Variants in FAM163A observed in about 807,000 individuals in gnomAD.
The protein encoded by FAM163A is protein FAM163A.
A neutral mutation model predicts 12.0 loss-of-function variants in FAM163A; 7 were observed. The ratio of observed to expected loss-of-function variants is 0.58; its 90% CI spans 0.33 to 1.10. The LOEUF (loss-of-function observed/expected upper bound fraction) is 1.10, where lower values mean the gene tolerates loss of function less well. Among genes scored for constraint, FAM163A ranks in the 50% least tolerant of loss-of-function variants. FAM163A has a pLI of 0.03. For missense variants in FAM163A, 202 were observed against 218.6 expected (o/e 0.92, Z 0.48); for synonymous variants, 101 against 91.0 (o/e 1.11, Z -0.62).
Position 179,813,179 on chromosome 1 carries a change from T to G in FAM163A, c.82T>G (p.Cys28Gly). The G allele has an allele frequency of 6.4e-7, 1 of 1,551,784 alleles. No individual in the cohort carries two copies. The highest frequency in any genetic ancestry group is 8.7e-7 in the Non-Finnish European group (1 of 1,147,000). ...CTGCATCATTGCCGTCCTGTGCTAC[T>G]GCAGGCTCCAGGTCAGTCCCCGGGA... ...LLCIIAVLCYCRLQYYCCKKS... is the reference protein window; with the variant it reads ...LLCIIAVLCYGRLQYYCCKKS... Residue 28 changes from cysteine (C) to glycine (G), a missense_variant, in exon 4 of 5, where the codon TGC (cysteine) becomes GGC (glycine). Transcript: ENST00000341785.
intron 1 of FAM163A, among the ~76,000 whole-genome samples, chr1:179,761,633 TATAGTCC>T (rs1349305247): frequency 6.6e-6 from 1 of 152,122 alleles, no homozygotes; most frequent in African/African-American, 2.4e-5. Context: ...CTCAAAATAG[TATAGTCC>T]ATCAGTCAGA....
chr1:179,799,954 C>G (rs1692925417), intron 1 of FAM163A, among the ~76,000 whole-genome samples: 1 of 152,194 alleles, frequency 6.6e-6, no homozygotes, highest in Admixed American at 6.6e-5. Context: ...GCAGGTGGAG[C>G]TTGAGGTGCT....
chr1:179,747,036 C>T (rs936077781), intron 1 of FAM163A, among the ~76,000 whole-genome samples: 3 of 151,884 alleles, frequency 2.0e-5, no homozygotes, highest in Non-Finnish European at 4.4e-5. Flanking sequence ...AAAGTGTCAG[C>T]GACTGGATAG....
chr1:179,739,436 A>C (rs1571256721), upstream of FAM163A, among the ~76,000 whole-genome samples: 1 of 152,382 alleles, frequency 6.6e-6, no homozygotes, highest in Middle Eastern at 3.4e-3. Flanking sequence ...AAGGTTGTCC[A>C]ACTCATGGCC....
chr1:179,745,163 T>A (rs1477885327), intron 1 of FAM163A, among the ~76,000 whole-genome samples: 1 of 152,050 alleles, frequency 6.6e-6, no homozygotes, highest in Non-Finnish European at 1.5e-5. Flanking sequence ...AGAGGGGAAG[T>A]AATGTGTGGC....
intron 1 of FAM163A, among the ~76,000 whole-genome samples, chr1:179,768,522 G>A (rs530106085): frequency 1.2e-4 from 19 of 152,322 alleles, no homozygotes; most frequent in African/African-American, 4.3e-4. Flanking sequence ...AGTGATGGTG[G>A]CTGGGCTAGT....
At chr1:179,780,773 C>T (rs1323847359) in intron 1 of FAM163A, among the ~76,000 whole-genome samples, 1 of 152,174 alleles carries the variant, frequency 6.6e-6, no homozygotes, top group African/African-American at 2.4e-5. Context: ...CCTAAAATGC[C>T]TCATTCTTCC....
intron 1 of FAM163A, among the ~76,000 whole-genome samples, chr1:179,756,004 C>T (rs952861208): frequency 2.6e-5 from 4 of 152,230 alleles, no homozygotes; most frequent in African/African-American, 7.2e-5. Flanking sequence ...CAACACCAAC[C>T]TTCTCTTAGC....
chr1:179,768,578 G>A (rs1204290266), intron 1 of FAM163A, among the ~76,000 whole-genome samples: 2 of 152,060 alleles, frequency 1.3e-5, no homozygotes, highest in African/African-American at 4.8e-5. Context: ...TGGCTTTGGT[G>A]TGGTCAAGTG....
chr1:179,809,475 G>A (rs1353973754), intron 2 of FAM163A, among the ~76,000 whole-genome samples: 1 of 152,176 alleles, frequency 6.6e-6, no homozygotes, highest in African/African-American at 2.4e-5. Context: ...TTCCAATATG[G>A]GGTAGCTGCT....
At chr1:179,795,051 C>A (rs1206902596) in intron 1 of FAM163A, among the ~76,000 whole-genome samples, 1 of 152,142 alleles carries the variant, frequency 6.6e-6, no homozygotes, top group East Asian at 1.9e-4. Context: ...ACACGACAAA[C>A]TCTTGGCAAG....
chr1:179,772,042 G>A (rs954306828), intron 1 of FAM163A, among the ~76,000 whole-genome samples: 8 of 152,044 alleles, frequency 5.3e-5, no homozygotes, highest in African/African-American at 1.9e-4. Context: ...CAGCTCCCAG[G>A]TCACAGTCTC....
At chr1:179,734,170 T>C in the FAM163A span, among the ~76,000 whole-genome samples, 1 of 152,204 alleles carries the variant, frequency 6.6e-6, no homozygotes, top group Non-Finnish European at 1.5e-5. Flanking sequence ...AGCTCAAATG[T>C]TGCACTCAAC....
intron 1 of FAM163A, among the ~76,000 whole-genome samples, chr1:179,774,861 G>A (rs1688729037): frequency 6.6e-6 from 1 of 152,110 alleles, no homozygotes; most frequent in African/African-American, 2.4e-5. Context: ...GAGTTTCCCT[G>A]AGCCCCCAGG....
rs1686805939 is a variant in FAM163A, at chr1:179,761,461, T to C, written c.-136+18038T>C. Among the ~76,000 whole-genome samples the C allele has an allele frequency of 2.0e-5, 3 of 152,242 alleles. No homozygotes were observed. In the South Asian group the frequency reaches 6.2e-4, roughly 31 times the overall value. The stretch of plus-strand genomic sequence containing the variant: ...CAAGCGAGACTAATTCATTAAGTGC[T>C]TTCAGTCCCGAAGATGACAGGAGCC... On this transcript the variant is annotated intron_variant, in intron 1 of 4. Coordinates refer to ENST00000341785, the MANE Select transcript of FAM163A (RefSeq NM_173509.3).
At chr1:179,757,105 T>G (rs998469219) in intron 1 of FAM163A, among the ~76,000 whole-genome samples, 1 of 152,020 alleles carries the variant, frequency 6.6e-6, no homozygotes, top group Non-Finnish European at 1.5e-5. Flanking sequence ...ACAGCAAGTA[T>G]AGACTTTTAT....
intron 1 of FAM163A, among the ~76,000 whole-genome samples, chr1:179,782,568 A>G (rs574275055): frequency 6.6e-6 from 1 of 152,274 alleles, no homozygotes; most frequent in African/African-American, 2.4e-5. Flanking sequence ...GCCGTTGGCC[A>G]GGGTTCTGAA....
chr1:179,755,136 CAA>C (rs35201060), intron 1 of FAM163A, among the ~76,000 whole-genome samples: 17 of 109,366 alleles, frequency 1.6e-4, no homozygotes, highest in Admixed American at 2.6e-4. Context: ...GACTCTGCCT[CAA>C]AAAAAAAAAA....
At chr1:179,764,006 A>G (rs1687150099) in intron 1 of FAM163A, among the ~76,000 whole-genome samples, 1 of 152,172 alleles carries the variant, frequency 6.6e-6, no homozygotes, top group African/African-American at 2.4e-5. Flanking sequence ...ACACAAAGAG[A>G]GACAGAGAGA....
Sources: gnomAD v4.1 joint callset for allele counts (sites outside exome capture counted in the v4.1 genomes callset) on GRCh38, gnomAD v4.1.1 for gene constraint, MANE v1.5 for transcripts, NCBI Gene and HGNC (gene_info 2026-07-23, HGNC 2026-07-21) for gene names.